PPIL2: variants seen among roughly 807,000 people sequenced by gnomAD.
PPIL2 encodes the protein RING-type E3 ubiquitin-protein ligase PPIL2.
In PPIL2, 50 loss-of-function variants were observed where a neutral mutation model predicts 75.2. That is an observed-to-expected ratio of 0.66 (90% confidence interval 0.53 to 0.84). PPIL2 has a LOEUF of 0.84. Ranked by LOEUF, PPIL2 falls within the 40% of genes least tolerant of loss-of-function variation. The pLI is 0.00. For synonymous variants in PPIL2, 245 were observed against 258.8 expected (o/e 0.95, Z 0.51); for missense variants, 590 against 685.0 (o/e 0.86, Z 1.55).
intron 6 of PPIL2, among the ~76,000 whole-genome samples, chr22:21,679,598 C>T (rs191789991): frequency 3.3e-5 from 5 of 151,546 alleles, no homozygotes; most frequent in African/African-American, 4.8e-5. Flanking sequence ...TAGACCCTGT[C>T]TCAAAAAACA....
chr22:21,683,511 T>G (rs2067217689), intron 9 of PPIL2, among the ~76,000 whole-genome samples: 1 of 152,194 alleles, frequency 6.6e-6, no homozygotes, highest in Non-Finnish European at 1.5e-5. Context: ...GTGCTGTCAG[T>G]GGGCAGGTGG....
chr22:21,682,409 T>C (rs773249978), intron 7 of PPIL2, 28 bp from the exon 8 acceptor site: 3 of 1,596,296 alleles, frequency 1.9e-6, no homozygotes, highest in Non-Finnish European at 2.6e-6. Context: ...GGGGCAGGCA[T>C]CGTAAAACCA....
chr22:21,682,410 C>T (rs201223799), intron 7 of PPIL2, 27 bp from the exon 8 acceptor site: 56 of 1,600,596 alleles, frequency 3.5e-5, no homozygotes, highest in African/African-American at 3.1e-4. Context: ...GGGCAGGCAT[C>T]GTAAAACCAC....
chr22:21,692,194 C>T (rs943372907), intron 15 of PPIL2, among the ~76,000 whole-genome samples: 3 of 151,638 alleles, frequency 2.0e-5, no homozygotes, highest in African/African-American at 7.3e-5. Flanking sequence ...CTCGCTCCGT[C>T]CCCCAGGCTG....
At position 21,686,506 on chromosome 22, in the gene PPIL2, C is replaced by T; in HGVS notation, c.738C>T (p.Val246=). The change falls in exon 11 of 20, where the codon GTC becomes GTT. Residue 246 remains valine (V), a synonymous_variant. Coordinates refer to ENST00000398831, the MANE Select transcript of PPIL2 (RefSeq NM_014337.4). ...LNAAHYSTGK[V]SASFTSTAMV... ...AGGCCCACTATTCCACAGGGAAGGT[C>T]AGCGCTTCCTTCACCTCCACCGCGA... 2 of 1,614,164 alleles carry T rather than the reference C, an allele frequency of 1.2e-6. No individual in the cohort carries two copies. The highest frequency in any genetic ancestry group is 1.1e-5 in the South Asian group (1 of 91,072).
chr22:21,667,610 C>A (rs991842184), intron 1 of PPIL2, among the ~76,000 whole-genome samples: 2 of 152,046 alleles, frequency 1.3e-5, no homozygotes, highest in South Asian at 2.1e-4. Flanking sequence ...CCTTTCTGGA[C>A]CCTCCTCCCT....
rs780025243 is a variant in PPIL2 at position 21,694,809 on chromosome 22, G to A, written c.1324G>A (p.Asp442Asn). The change falls in exon 18 of 20, where the codon GAT (aspartate) becomes AAT (asparagine). Residue 442 changes from aspartate to asparagine, a missense_variant. Coordinates refer to ENST00000398831, the MANE Select transcript of PPIL2 (RefSeq NM_014337.4). ...GTTCGTGGACCCCTATGAGGAGGCC[G>A]ATGCCCAGGTGAGGGGGCACGATGC... is the stretch of plus-strand genomic sequence containing the variant. ...TVFVDPYEEA[D>N]AQIAQERKTQ... The A allele has an allele frequency of 3.1e-6, 5 of 1,601,182 alleles. No individual in the cohort carries two copies. Among genetic ancestry groups the A allele is most frequent in the East Asian group, 2.2e-5 (1 of 44,644 alleles).
intron 6 of PPIL2, among the ~76,000 whole-genome samples, chr22:21,677,321 G>A (rs1177607740): frequency 2.0e-5 from 3 of 152,228 alleles, no homozygotes; most frequent in African/African-American, 7.2e-5. Flanking sequence ...CTGCAATCTC[G>A]GCACTTTGGG....
intron 6 of PPIL2, among the ~76,000 whole-genome samples, chr22:21,680,431 G>A (rs1294425396): frequency 2.0e-5 from 3 of 152,158 alleles, no homozygotes; most frequent in African/African-American, 7.2e-5. Flanking sequence ...CTCCGGAGGC[G>A]GAGGCAGCAG....
chr22:21,677,049 C>T (rs879696967), intron 6 of PPIL2, among the ~76,000 whole-genome samples: 19 of 150,806 alleles, frequency 1.3e-4, no homozygotes, highest in African/African-American at 4.6e-4. Flanking sequence ...ACCTCCCTCC[C>T]GGACGGGGCG....
rs181471476 is a variant in PPIL2, at chr22:21,683,138, C to T, written c.478-44C>T. Reference sequence around the variant, plus strand: ...TTGCTGCATGTGGCTGCCATTTGGCCGTAGGCTGGGTTCACTCTGCTGGGC... The same window carrying T: ...TTGCTGCATGTGGCTGCCATTTGGCTGTAGGCTGGGTTCACTCTGCTGGGC... On this transcript the variant is annotated intron_variant, in intron 8 of 19. Transcript: ENST00000398831. 2.2e-5 allele frequency: 33 copies of T among 1,534,784 alleles called. No individual in the cohort carries two copies. The East Asian group carries it at 2.7e-4, about 13-fold the overall frequency.
rs142825104 is a variant in PPIL2 at position 21,688,824 on chromosome 22, G to C, written c.1114G>C (p.Gly372Arg). Residue 372 changes from glycine (G) to arginine (R), a missense_variant, in exon 15 of 20, where the codon GGG becomes CGG. Gly to Arg is a moderately radical substitution (Grantham distance 125). Transcript: ENST00000398831. ...CGGCATCCTCAGCATGGCCAACTCC[G>C]GGCCCAACAGCAACAGGTCTCAATT... ...GRGILSMANS[G>R]PNSNRSQFFI... is the part of the protein sequence containing the mutation. 4.5e-5 allele frequency: 72 copies of C among 1,614,082 alleles called. No homozygotes were observed. The African/African-American group carries it at 9.1e-4, about 20-fold the overall frequency.
chr22:21,696,948 C>A lies in PPIL2; in HGVS notation c.*1458C>A. On this transcript the variant is annotated 3_prime_UTR_variant, in exon 20 of 20. Transcript: ENST00000398831. The stretch of plus-strand genomic sequence containing the variant: ...CACCCTGCTGCACACCAATCTGTGG[C>A]CCTTCATCATGCTAAGAACAAGAAC... The A allele has an allele frequency of 6.3e-7, 1 of 1,579,346 alleles. No homozygotes were observed. Among genetic ancestry groups the A allele is most frequent in the Non-Finnish European group, 8.6e-7 (1 of 1,162,972 alleles).
Position 21,688,736 on chromosome 22 carries a change from G to A in PPIL2, c.1026G>A (p.Gly342=). ...GGDPTGTGTG[G]ESYWGKPFKD... is the part of the protein sequence containing the mutation. The stretch of plus-strand genomic sequence containing the variant: ...CCATGGGCCTTTCTCTTCCAGGTGG[G>A]GAGTCATACTGGGGGAAGCCCTTCA... Residue 342 remains glycine (G), a synonymous_variant, in exon 15 of 20, where the codon GGG becomes GGA. Coordinates refer to ENST00000398831, the MANE Select transcript of PPIL2 (RefSeq NM_014337.4). 2 of 1,614,116 alleles carry A rather than the reference G, an allele frequency of 1.2e-6. No individual in the cohort carries two copies. The highest frequency in any genetic ancestry group is 1.7e-5 in the Admixed American group (1 of 60,026).
At chr22:21,693,240 G>A (rs1041948155) in intron 15 of PPIL2, among the ~76,000 whole-genome samples, 1 of 152,006 alleles carries the variant, frequency 6.6e-6, no homozygotes, top group Non-Finnish European at 1.5e-5. Flanking sequence ...TAGGGACAGG[G>A]TTTTACCATG....
chr22:21,699,088 C>T (rs2068036758), downstream of PPIL2: 1 of 152,482 alleles, frequency 6.6e-6, no homozygotes, highest in Non-Finnish European at 1.5e-5. Context: ...AGAGATGGCA[C>T]CCAAAGGCAT....
chr22:21,692,322 T>TG (rs2067690699), intron 15 of PPIL2, among the ~76,000 whole-genome samples: 1 of 151,666 alleles, frequency 6.6e-6, no homozygotes, highest in East Asian at 2.0e-4. Context: ...GCCTGGCTAA[T>TG]TTTTTGTATT....
chr22:21,680,657 A>G (rs1323097068), intron 6 of PPIL2, among the ~76,000 whole-genome samples: 5 of 151,544 alleles, frequency 3.3e-5, no homozygotes, highest in South Asian at 2.1e-4. Context: ...GTGAAACCCC[A>G]TCTCTACTAA....
rs1261847364 is a variant in PPIL2 at position 21,688,083 on chromosome 22, G to A, written c.998G>A (p.Gly333Asp). Reference sequence around the variant, plus strand: ...CTTTTGTTTTCACAGATCCAAGGGGGCGACCCCACAGGCACAGGCACGGGT... The same window carrying A: ...CTTTTGTTTTCACAGATCCAAGGGGACGACCCCACAGGCACAGGCACGGGT... ...RSIRNFVIQG[G>D]DPTGTGTGGE... is the part of the protein sequence containing the mutation. The change falls in exon 14 of 20, where the codon GGC becomes GAC. Residue 333 changes from glycine to aspartate, a missense_variant. By Grantham distance (94) the Gly-to-Asp change is moderately conservative. Coordinates refer to ENST00000398831, the MANE Select transcript of PPIL2 (RefSeq NM_014337.4). The A allele has an allele frequency of 6.2e-7, 1 of 1,614,230 alleles. No individual in the cohort carries two copies. Among genetic ancestry groups the A allele is most frequent in the Admixed American group, 1.7e-5 (1 of 60,038 alleles).
Sources: gnomAD v4.1 joint callset for allele counts (sites outside exome capture counted in the v4.1 genomes callset) on GRCh38, gnomAD v4.1.1 for gene constraint, MANE v1.5 for transcripts, NCBI Gene and HGNC (gene_info 2026-07-23, HGNC 2026-07-21) for gene names.